ANKRD13C: variants seen among roughly 807,000 people sequenced by gnomAD.
ANKRD13C encodes ankyrin repeat domain-containing protein 13C.
A neutral mutation model predicts 65.5 loss-of-function variants in ANKRD13C; 16 were observed. The ratio of observed to expected loss-of-function variants is 0.24; its 90% CI spans 0.17 to 0.37. ANKRD13C has a LOEUF of 0.37. ANKRD13C is among the 10% of genes least tolerant of loss of function. ANKRD13C has a pLI of 1.00. For missense variants in ANKRD13C, 503 were observed against 655.9 expected (o/e 0.77, Z 2.55); for synonymous variants, 235 against 238.7 (o/e 0.98, Z 0.14).
intron 1 of ANKRD13C, among the ~76,000 whole-genome samples, chr1:70,350,074 T>C (rs773764024): frequency 3.3e-5 from 5 of 152,138 alleles, no homozygotes; most frequent in Admixed American, 6.6e-5. Context: ...ACCCAGGAGA[T>C]AGAGGTTGCA....
intron 9 of ANKRD13C, among the ~76,000 whole-genome samples, chr1:70,287,440 A>G (rs1679671100): frequency 6.6e-6 from 1 of 152,168 alleles, no homozygotes; most frequent in Admixed American, 6.5e-5. Context: ...CCACAAAATT[A>G]ACTCAAAATG....
rs534904752 is a variant in ANKRD13C, at chr1:70,340,407, TG to T, written c.431-4309del. On this transcript the variant is annotated intron_variant, in intron 1 of 12. Coordinates refer to ENST00000370944, the MANE Select transcript of ANKRD13C (RefSeq NM_030816.5). ...TGCATTGCGATCAGAGAACAGGCAGTGTAATTTCAATCGTCTGAAATGTGTT... is the reference window on the plus strand; with the variant it reads ...TGCATTGCGATCAGAGAACAGGCAGTTAATTTCAATCGTCTGAAATGTGTT... Among the ~76,000 whole-genome samples the T allele has an allele frequency of 2.6e-3, 403 of 152,324 alleles. 2 individuals carry two copies. Among genetic ancestry groups the T allele is most frequent in the African/African-American group, 9.4e-3 (389 of 41,572 alleles).
chr1:70,323,672 A>C (rs763015253), intron 3 of ANKRD13C, among the ~76,000 whole-genome samples: 1 of 151,752 alleles, frequency 6.6e-6, no homozygotes, highest in Non-Finnish European at 1.5e-5. Flanking sequence ...TTTTGTTTAT[A>C]AAGTTCAGGA....
chr1:70,325,366 T>C (rs571607054), intron 2 of ANKRD13C, among the ~76,000 whole-genome samples: 1 of 152,326 alleles, frequency 6.6e-6, no homozygotes, highest in African/African-American at 2.4e-5. Flanking sequence ...GTTCATTTTT[T>C]ATTTCAGAAA....
At chr1:70,268,892 TA>T (rs924174182) in intron 12 of ANKRD13C, among the ~76,000 whole-genome samples, 5 of 152,270 alleles carry the variant, frequency 3.3e-5, no homozygotes, top group African/African-American at 4.8e-5. Flanking sequence ...AGTTTTTTTT[TA>T]AAATTATTAT....
intron 11 of ANKRD13C, among the ~76,000 whole-genome samples, chr1:70,272,378 A>T (rs1239072497): frequency 6.6e-6 from 1 of 150,998 alleles, no homozygotes. Context: ...GCACCACCAC[A>T]CCCGGCCAAT....
chr1:70,309,498 C>A (rs1373886297), intron 5 of ANKRD13C, among the ~76,000 whole-genome samples: 1 of 149,468 alleles, frequency 6.7e-6, no homozygotes, highest in Admixed American at 6.6e-5. Flanking sequence ...GCGGGTGGAT[C>A]ACGAGGTGAG....
rs1427919916 is a variant in ANKRD13C at position 70,260,726 on chromosome 1, T to C, written c.*1991A>G. The C allele has an allele frequency of 6.6e-6, 1 of 152,118 alleles. No homozygotes were observed. Among genetic ancestry groups the C allele is most frequent in the Non-Finnish European group, 1.5e-5 (1 of 67,966 alleles). 9.4% of individuals were successfully genotyped at this position (152,118 alleles called of 1,614,324 possible). ...TGGAATGGATAATCTGTTTCTACCATTCTTTAAAGAAAAAAGCTTTAAAAA... is the reference window on the plus strand; with the variant it reads ...TGGAATGGATAATCTGTTTCTACCACTCTTTAAAGAAAAAAGCTTTAAAAA... On this transcript the variant is annotated 3_prime_UTR_variant, in exon 13 of 13. Transcript: ENST00000370944.
At chr1:70,280,836 G>A (rs1679355426) in intron 9 of ANKRD13C, among the ~76,000 whole-genome samples, 1 of 152,140 alleles carries the variant, frequency 6.6e-6, no homozygotes, top group Non-Finnish European at 1.5e-5. Context: ...TACTCTGGTG[G>A]CAGTGTATTT....
At chr1:70,303,942 G>C (rs952402002) in intron 6 of ANKRD13C, among the ~76,000 whole-genome samples, 1 of 152,082 alleles carries the variant, frequency 6.6e-6, no homozygotes, top group African/African-American at 2.4e-5. Flanking sequence ...TTACTAGTAA[G>C]CCCCATGTCT....
chr1:70,304,638 A>G (rs948617378), intron 6 of ANKRD13C, among the ~76,000 whole-genome samples: 2 of 152,104 alleles, frequency 1.3e-5, no homozygotes, highest in African/African-American at 4.8e-5. Context: ...GACTCAAGTG[A>G]TCTACCTGCC....
chr1:70,314,215 G>GAA (rs201305373), intron 4 of ANKRD13C, among the ~76,000 whole-genome samples: 55 of 150,386 alleles, frequency 3.7e-4, no homozygotes, highest in African/African-American at 1.2e-3. Flanking sequence ...TAATATCTAT[G>GAA]AAAAAAAAAT....
intron 10 of ANKRD13C, 51 bp from the exon 11 acceptor site, chr1:70,274,869 C>T (rs1679062010): frequency 8.9e-7 from 1 of 1,127,174 alleles, no homozygotes; most frequent in Non-Finnish European, 1.3e-6. Context: ...TAGTCTATCA[C>T]CTTCCTAAGA....
Position 70,306,261 on chromosome 1 carries a change from C to T in ANKRD13C, c.739G>A (p.Asp247Asn), listed in dbSNP as rs1279815094. The change falls in exon 6 of 13, where the codon GAT (aspartate) becomes AAT (asparagine). Residue 247 changes from aspartate to asparagine, a missense_variant. By Grantham distance (23) the Asp-to-Asn change is conservative. Transcript: ENST00000370944. Reference protein sequence around the residue: ...VPLLSRILPSDACKIYKQGIN... With the variant: ...VPLLSRILPSNACKIYKQGIN... The stretch of plus-strand genomic sequence containing the variant: ...CCTTGTTTGTATATTTTACATGCAT[C>T]GGAAGGCAGAATTCGGGAAAGTAAA... The T allele has an allele frequency of 3.8e-6, 6 of 1,578,328 alleles. No homozygotes were observed. The highest frequency in any genetic ancestry group is 4.3e-6 in the Non-Finnish European group (5 of 1,160,260).
intron 8 of ANKRD13C, 65 bp downstream of exon 8, chr1:70,296,065 C>A (rs1386709109): frequency 1.3e-6 from 2 of 1,546,714 alleles, no homozygotes; most frequent in African/African-American, 1.4e-5. Context: ...ATTTCCATCA[C>A]GTTATTTTGG....
intron 4 of ANKRD13C, 44 bp downstream of exon 4, chr1:70,315,433 CTTAT>C: frequency 6.7e-7 from 1 of 1,501,072 alleles, no homozygotes; most frequent in Non-Finnish European, 9.1e-7. Flanking sequence ...TAAAACTACA[CTTAT>C]AATTACTTCC....
chr1:70,347,533 G>A (rs1410250), intron 1 of ANKRD13C, among the ~76,000 whole-genome samples: 1 of 152,242 alleles, frequency 6.6e-6, no homozygotes, highest in Middle Eastern at 3.4e-3. Flanking sequence ...CCAAAGCTAA[G>A]AATTTCTATT....
chr1:70,330,314 T>G (rs913616081), intron 2 of ANKRD13C, among the ~76,000 whole-genome samples: 1 of 152,054 alleles, frequency 6.6e-6, no homozygotes, highest in Non-Finnish European at 1.5e-5. Context: ...TCCCAGCAGT[T>G]TGGGAGGCCA....
At chr1:70,326,124 G>A (rs147022527) in intron 2 of ANKRD13C, among the ~76,000 whole-genome samples, 3,749 of 149,200 alleles carry the variant, frequency 0.025, 67 homozygotes, top group South Asian at 0.038. Flanking sequence ...CCAGCTACTC[G>A]GGAAACTGAG....
Sources: gnomAD v4.1 joint callset for allele counts (sites outside exome capture counted in the v4.1 genomes callset) on GRCh38, gnomAD v4.1.1 for gene constraint, MANE v1.5 for transcripts, NCBI Gene and HGNC (gene_info 2026-07-23, HGNC 2026-07-21) for gene names.